Variants in RHOT1 observed in about 807,000 individuals in gnomAD.
RHOT1 encodes mitochondrial Rho GTPase 1.
A neutral mutation model predicts 95.3 loss-of-function variants in RHOT1; 27 were observed. The ratio of observed to expected loss-of-function variants is 0.28; its 90% confidence interval spans 0.21 to 0.39. RHOT1 has a LOEUF of 0.39. RHOT1 is among the 10% of genes least tolerant of loss of function. The probability of loss-of-function intolerance (pLI) is 1.00; values close to 1 mark genes in which losing one functional copy is unlikely to be tolerated. For synonymous variants in RHOT1, 227 were observed against 263.5 expected (o/e 0.86, Z 1.34); for missense variants, 578 against 786.7 (o/e 0.73, Z 3.17).
chr17:32,168,909 A>T (rs941365754), intron 1 of RHOT1, among the ~76,000 whole-genome samples: 1 of 152,148 alleles, frequency 6.6e-6, no homozygotes, highest in Non-Finnish European at 1.5e-5. Context: ...ATTGTTAACT[A>T]GATTCTAGCA....
intron 19 of RHOT1, among the ~76,000 whole-genome samples, chr17:32,213,814 C>T (rs1343780029): frequency 1.3e-5 from 2 of 152,104 alleles, no homozygotes; most frequent in Admixed American, 1.3e-4. Flanking sequence ...AGTTAGCTTT[C>T]AAATAAAATT....
At chr17:32,158,436 T>G (rs1290326658) in intron 1 of RHOT1, among the ~76,000 whole-genome samples, 1 of 152,026 alleles carries the variant, frequency 6.6e-6, no homozygotes, top group East Asian at 1.9e-4. Flanking sequence ...TTGTTTTTTG[T>G]TTTTTTGAGA....
Position 32,171,871 on chromosome 17 carries a change from G to C in RHOT1, c.96+770G>C, listed in dbSNP as rs373402489. Among the ~76,000 whole-genome samples the C allele has an allele frequency of 3.9e-5, 6 of 152,318 alleles. No homozygotes were observed. The East Asian group carries it at 9.6e-4, about 24-fold the overall frequency. On this transcript the variant is annotated intron_variant, in intron 2 of 19. Transcript: ENST00000545287. ...CAAAGGATTGTTATGGGTCTCAAAT[G>C]AGATGAACTTAATAGCAGGGAAGTG...
At chr17:32,150,740 G>C in intron 1 of RHOT1, 2 of 1,601,258 alleles carry the variant, frequency 1.2e-6, no homozygotes, top group South Asian at 2.2e-5. Flanking sequence ...GAGGCCACCA[G>C]CCTCTCCCAC....
rs749304043 is a variant in RHOT1, at chr17:32,176,251, G to C, written c.329+38G>C. On this transcript the variant is annotated intron_variant, in intron 6 of 19. Transcript: ENST00000545287. Reference sequence around the variant, plus strand: ...CTCTCAAACTTTTTATAATTAAAAAGTTTAAAGCTTGCAGAAAAGGTACAA... The same window carrying C: ...CTCTCAAACTTTTTATAATTAAAAACTTTAAAGCTTGCAGAAAAGGTACAA... 162 of 1,505,034 alleles carry C rather than the reference G, an allele frequency of 1.1e-4. No individual in the cohort carries two copies. In the East Asian group the frequency reaches 3.6e-3, roughly 34 times the overall value. 93.2% of individuals were successfully genotyped at this position (1,505,034 alleles called of 1,614,324 possible).
chr17:32,199,706 C>G (rs1598423860), intron 13 of RHOT1, among the ~76,000 whole-genome samples, 156 bp downstream of exon 13: 1 of 152,172 alleles, frequency 6.6e-6, no homozygotes, highest in East Asian at 1.9e-4. Flanking sequence ...CTAAGATGAA[C>G]TATAAATGTT....
intron 1 of RHOT1, among the ~76,000 whole-genome samples, chr17:32,167,420 G>A (rs778969468): frequency 4.6e-5 from 7 of 151,540 alleles, no homozygotes; most frequent in South Asian, 4.2e-4. Flanking sequence ...TCCGCCTCCC[G>A]GGTTCACACC....
intron 11 of RHOT1, among the ~76,000 whole-genome samples, chr17:32,198,597 T>A (rs2037077005): frequency 1.3e-5 from 2 of 152,122 alleles, no homozygotes. Context: ...TGGTCCCAGC[T>A]ACTCAAGAGG....
Position 32,165,133 on chromosome 17 carries a change from C to T in RHOT1, c.38-5910C>T, listed in dbSNP as rs529886089. Among the ~76,000 whole-genome samples the T allele has an allele frequency of 9.9e-5, 15 of 152,048 alleles. No individual in the cohort carries two copies. In the East Asian group the frequency reaches 1.6e-3, roughly 16 times the overall value. On this transcript the variant is annotated intron_variant, in intron 1 of 19. Coordinates refer to ENST00000545287, the MANE Select transcript of RHOT1 (RefSeq NM_001033566.3). Reference sequence around the variant, plus strand: ...AGGCAGGCGGATCACAAGGTCAGATCGAGACCATCCTGGCTAACACGGTGA... The same window carrying T: ...AGGCAGGCGGATCACAAGGTCAGATTGAGACCATCCTGGCTAACACGGTGA...
At chr17:32,187,328 G>A (rs950967227) in intron 8 of RHOT1, among the ~76,000 whole-genome samples, 8 of 152,144 alleles carry the variant, frequency 5.3e-5, no homozygotes, top group Middle Eastern at 3.4e-3. Flanking sequence ...ATATTGCCCA[G>A]GCTGGTCTTG....
At chr17:32,172,774 G>A (rs1050805377) in intron 2 of RHOT1, among the ~76,000 whole-genome samples, 1 of 152,222 alleles carries the variant, frequency 6.6e-6, no homozygotes, top group Non-Finnish European at 1.5e-5. Context: ...AGCTTGCAGT[G>A]AGCTGAGATC....
chr17:32,197,381 A>G (rs1410746225), intron 11 of RHOT1, among the ~76,000 whole-genome samples: 1 of 149,982 alleles, frequency 6.7e-6, no homozygotes, highest in Non-Finnish European at 1.5e-5. Flanking sequence ...GGTGCGTGCC[A>G]CCACACCCAG....
chr17:32,202,110 CTG>C lies in RHOT1; in HGVS notation c.1202-656_1202-655del, dbSNP rs540451840. Among the ~76,000 whole-genome samples, 390 of 152,284 alleles carry C rather than the reference CTG, an allele frequency of 2.6e-3. 3 individuals are homozygous for C. The highest frequency in any genetic ancestry group is 3.1e-3 in the Non-Finnish European group (210 of 68,012). On this transcript the variant is annotated intron_variant, in intron 14 of 19. Coordinates refer to ENST00000545287, the MANE Select transcript of RHOT1 (RefSeq NM_001033566.3). ...TATTTTTAGTAGAGATGGGGTTTCACTGTGTTGGCCAGGATGGTCTCAATCTC... is the reference window on the plus strand; with the variant it reads ...TATTTTTAGTAGAGATGGGGTTTCACTGTTGGCCAGGATGGTCTCAATCTC...
chr17:32,207,132 T>G (rs1361442670), intron 17 of RHOT1, 103 bp downstream of exon 17: 1 of 1,137,904 alleles, frequency 8.8e-7, no homozygotes, highest in Non-Finnish European at 1.2e-6. Context: ...CAAAATCATG[T>G]GTATTTTAAA....
chr17:32,158,543 C>T (rs73286107), intron 1 of RHOT1, among the ~76,000 whole-genome samples: 1,726 of 152,160 alleles, frequency 0.011, 33 homozygotes, highest in African/African-American at 0.039. Flanking sequence ...CACTGCAACA[C>T]CTGCCTCCCG....
chr17:32,155,495 C>CTTTT (rs767564866), intron 1 of RHOT1, among the ~76,000 whole-genome samples: 1 of 135,570 alleles, frequency 7.4e-6, no homozygotes, highest in Non-Finnish European at 1.6e-5. Context: ...TTCTTTCTTT[C>CTTTT]TTTTTTTTTT....
At chr17:32,142,989 C>T (rs2030626405) in intron 1 of RHOT1, 1 of 708,036 alleles carries the variant, frequency 1.4e-6, no homozygotes. Context: ...CAGCCGTCCT[C>T]CCAAGCCATG....
At chr17:32,154,231 A>G (rs1017570942) in intron 1 of RHOT1, among the ~76,000 whole-genome samples, 5 of 150,878 alleles carry the variant, frequency 3.3e-5, no homozygotes, top group African/African-American at 1.2e-4. Flanking sequence ...ACTTGAGCCC[A>G]GGGGTTTGAG....
At chr17:32,223,364 CCTAAA>C (rs2038945794) in intron 19 of RHOT1, among the ~76,000 whole-genome samples, 1 of 151,718 alleles carries the variant, frequency 6.6e-6, no homozygotes, top group African/African-American at 2.4e-5. Context: ...TATAAAATAA[CCTAAA>C]CTAGACAGTC....
Sources: allele counts gnomAD v4.1 joint callset (sites outside exome capture counted in the v4.1 genomes callset), GRCh38; gene constraint gnomAD v4.1.1; transcripts MANE v1.5; gene names NCBI Gene and HGNC (gene_info 2026-07-23, HGNC 2026-07-21).